The following AHI1 variants were observed in gnomAD, a reference collection of about 807,000 sequenced individuals.
AHI1 encodes jouberin.
Under a neutral mutation model 149.3 loss-of-function variants are expected in AHI1, and 123 were observed. The ratio of observed to expected loss-of-function variants is 0.82; its 90% CI spans 0.71 to 0.96. The LOEUF is 0.96. AHI1 is among the 40% of genes least tolerant of loss of function. AHI1 has a pLI of 0.00. For synonymous variants in AHI1, 475 were observed against 459.8 expected (o/e 1.03, Z -0.42); for missense variants, 1,439 against 1,422.7 (o/e 1.01, Z -0.18).
intron 26 of AHI1, among the ~76,000 whole-genome samples, chr6:135,306,531 G>A (rs894380374): frequency 2.6e-4 from 40 of 152,160 alleles, no homozygotes; most frequent in Admixed American, 2.2e-3. Context: ...AGAGTCAGTA[G>A]GGAAAAACAA....
rs1434415693 is a variant in AHI1, at chr6:135,466,347, G to C, written c.216C>G (p.Pro72=). 1 of 1,613,644 alleles carries C rather than the reference G, an allele frequency of 6.2e-7. No homozygotes were observed. The highest frequency in any genetic ancestry group is 1.1e-5 in the South Asian group (1 of 91,034). The part of the protein sequence containing the change: ...DDPDTIRSNL[P]HIKETTSDDV... ...CATCACTTGTAGTTTCTTTAATATG[G>C]GGAAGATTGCTTCTAATAGTGTCGG... Residue 72 remains proline (P), a synonymous_variant, in exon 7 of 29, where the codon CCC becomes CCG. Transcript: ENST00000265602.
At chr6:135,335,936 A>C (rs1201312643) in intron 24 of AHI1, among the ~76,000 whole-genome samples, 2 of 151,872 alleles carry the variant, frequency 1.3e-5, no homozygotes, top group African/African-American at 4.8e-5. Context: ...AACATGGTGA[A>C]ACCCCATCTC....
chr6:135,493,482 A>G (rs1173218373), intron 3 of AHI1, among the ~76,000 whole-genome samples: 3 of 152,216 alleles, frequency 2.0e-5, no homozygotes, highest in Non-Finnish European at 4.4e-5. Context: ...TCCATGGAGT[A>G]AAAATTCCTA....
At chr6:135,454,183 G>A (rs1788564768) in intron 10 of AHI1, among the ~76,000 whole-genome samples, 1 of 151,842 alleles carries the variant, frequency 6.6e-6, no homozygotes, top group African/African-American at 2.4e-5. Context: ...AAAACAACTT[G>A]TAATCCAGAC....
intron 23 of AHI1, among the ~76,000 whole-genome samples, chr6:135,369,763 TTGTTATCTGC>T (rs1774753461): frequency 1.3e-5 from 2 of 152,306 alleles, no homozygotes; most frequent in South Asian, 4.1e-4. Context: ...GTCCTATCTG[TTGTTATCTGC>T]TGTTATCTGT....
chr6:135,377,932 T>G (rs1776185505), intron 23 of AHI1, among the ~76,000 whole-genome samples: 1 of 152,210 alleles, frequency 6.6e-6, no homozygotes, highest in South Asian at 2.1e-4. Flanking sequence ...ATATTTATAT[T>G]CTACATGTTG....
chr6:135,377,321 C>A (rs1197511314), intron 23 of AHI1, among the ~76,000 whole-genome samples: 1 of 152,056 alleles, frequency 6.6e-6, no homozygotes, highest in Non-Finnish European at 1.5e-5. Context: ...CCTGAATAGA[C>A]ATTTAATTAT....
intron 2 of AHI1, among the ~76,000 whole-genome samples, chr6:135,496,803 T>A (rs1796025287): frequency 6.6e-6 from 1 of 152,352 alleles, no homozygotes; most frequent in East Asian, 1.9e-4. Context: ...AGATTCTTCA[T>A]AAGTAAACAA....
intron 23 of AHI1, among the ~76,000 whole-genome samples, chr6:135,392,095 G>C (rs979937215): frequency 6.6e-6 from 1 of 152,108 alleles, no homozygotes; most frequent in Non-Finnish European, 1.5e-5. Context: ...GTGACACTTT[G>C]TTTACACTGT....
chr6:135,323,454 A>C, intron 24 of AHI1, 130 bp from the exon 25 acceptor site: 1 of 898,858 alleles, frequency 1.1e-6, no homozygotes, highest in Non-Finnish European at 1.6e-6. Flanking sequence ...AGGCTGTCTC[A>C]AGGTTTGCTA....
At chr6:135,487,604 T>A (rs1794664783) in intron 5 of AHI1, among the ~76,000 whole-genome samples, 1 of 152,184 alleles carries the variant, frequency 6.6e-6, no homozygotes, top group Non-Finnish European at 1.5e-5. Context: ...TGACACCATA[T>A]ACAGTGTATA....
intron 5 of AHI1, 167 bp downstream of exon 5, chr6:135,490,456 G>A (rs927176517): frequency 2.6e-6 from 2 of 757,844 alleles, no homozygotes; most frequent in African/African-American, 3.5e-5. Flanking sequence ...TTCTCACAGT[G>A]ATGTTGATTC....
chr6:135,422,130 A>C (rs963137215), intron 20 of AHI1, among the ~76,000 whole-genome samples: 1 of 152,204 alleles, frequency 6.6e-6, no homozygotes, highest in African/African-American at 2.4e-5. Flanking sequence ...AAACCACTAC[A>C]TCGTATCTAT....
intron 22 of AHI1, among the ~76,000 whole-genome samples, chr6:135,400,579 A>G (rs776721165): frequency 2.6e-5 from 4 of 152,238 alleles, no homozygotes; most frequent in Non-Finnish European, 5.9e-5. Flanking sequence ...AGAGACAGAA[A>G]AAGAGAGTGT....
At chr6:135,341,418 C>T (rs1790354893) in intron 24 of AHI1, among the ~76,000 whole-genome samples, 1 of 151,822 alleles carries the variant, frequency 6.6e-6, no homozygotes, top group South Asian at 2.1e-4. Flanking sequence ...AAAGTATAAA[C>T]ATATAAGTAC....
At chr6:135,488,675 T>C (rs1347079335) in intron 5 of AHI1, among the ~76,000 whole-genome samples, 1 of 152,168 alleles carries the variant, frequency 6.6e-6, no homozygotes, top group Non-Finnish European at 1.5e-5. Flanking sequence ...AACTGGAATA[T>C]AAGATGAACC....
intron 26 of AHI1, among the ~76,000 whole-genome samples, chr6:135,304,080 A>T (rs1784242709): frequency 6.6e-6 from 1 of 152,228 alleles, no homozygotes. Context: ...TCTGTCACTC[A>T]GGCTGGAGTG....
At chr6:135,470,734 C>T (rs1226372759) in intron 5 of AHI1, among the ~76,000 whole-genome samples, 1 of 151,980 alleles carries the variant, frequency 6.6e-6, no homozygotes, top group South Asian at 2.1e-4. Context: ...GGGAGCTGAA[C>T]ACCGAGAACA....
chr6:135,430,195 T>C (rs1224695327), intron 17 of AHI1, among the ~76,000 whole-genome samples, 195 bp from the exon 18 acceptor site: 1 of 151,956 alleles, frequency 6.6e-6, no homozygotes, highest in Admixed American at 6.6e-5. Flanking sequence ...TCTGTGTTGT[T>C]ATGCAATGTG....
Sources: allele counts gnomAD v4.1 joint callset (sites outside exome capture counted in the v4.1 genomes callset), GRCh38; gene constraint gnomAD v4.1.1; transcripts MANE v1.5; gene names NCBI Gene and HGNC (gene_info 2026-07-23, HGNC 2026-07-21).